Variants in EFR3A observed in about 807,000 individuals in gnomAD.
EFR3A encodes EFR3 homolog A.
A neutral mutation model predicts 104.4 loss-of-function variants in EFR3A; 76 were observed. The observed-to-expected ratio is 0.73, with a 90% CI of 0.60 to 0.88. EFR3A has a LOEUF of 0.88. EFR3A is among the 40% of genes least tolerant of loss of function. The pLI, the probability that EFR3A is intolerant of heterozygous loss-of-function variation, is 0.00. For synonymous variants in EFR3A, 330 were observed against 330.0 expected (o/e 1.00, Z 0.00); for missense variants, 985 against 1,012.5 (o/e 0.97, Z 0.37).
chr8:131,949,715 G>A (rs1224903039), intron 4 of EFR3A, among the ~76,000 whole-genome samples: 3 of 151,952 alleles, frequency 2.0e-5, no homozygotes, highest in African/African-American at 7.2e-5. Context: ...TTGGGAAGCT[G>A]AGGCGGGAGG....
chr8:132,008,855 A>AAAAAG (rs1822174482), intron 22 of EFR3A, among the ~76,000 whole-genome samples: 1 of 141,984 alleles, frequency 7.0e-6, no homozygotes, highest in Non-Finnish European at 1.5e-5. Flanking sequence ...TCAAAAAAAA[A>AAAAAG]AAAAAAAAAA....
chr8:131,960,301 A>G (rs1819241036), intron 8 of EFR3A, among the ~76,000 whole-genome samples: 1 of 152,200 alleles, frequency 6.6e-6, no homozygotes, highest in African/African-American at 2.4e-5. Context: ...CAAAATGCAG[A>G]TCCTAAATCT....
chr8:131,944,364 A>G (rs1467625246), intron 2 of EFR3A, among the ~76,000 whole-genome samples: 1 of 152,156 alleles, frequency 6.6e-6, no homozygotes, highest in Non-Finnish European at 1.5e-5. Flanking sequence ...TATGTTGACT[A>G]TCGTATAAGT....
chr8:131,940,432 T>G (rs953797898), intron 1 of EFR3A, 67 bp from the exon 2 acceptor site: 10 of 1,446,200 alleles, frequency 6.9e-6, no homozygotes, highest in Non-Finnish European at 8.4e-6. Context: ...ATTCAGAAAC[T>G]TGAATTTCCA....
chr8:131,956,909 A>T (rs1054548618), intron 7 of EFR3A, among the ~76,000 whole-genome samples: 3 of 152,118 alleles, frequency 2.0e-5, no homozygotes, highest in African/African-American at 7.2e-5. Flanking sequence ...TAATATCTAG[A>T]TGTGCTGACT....
chr8:131,934,086 TTAAAA>T (rs1817750422), intron 1 of EFR3A, among the ~76,000 whole-genome samples: 2 of 152,176 alleles, frequency 1.3e-5, no homozygotes, highest in African/African-American at 4.8e-5. Context: ...CTCTAATGGA[TTAAAA>T]TCCTTTTAAA....
rs970495508 is a variant in EFR3A at position 132,011,166 on chromosome 8, C to G, written c.*271C>G. The G allele has an allele frequency of 8.9e-7, 1 of 1,117,770 alleles. No homozygotes were observed. Among genetic ancestry groups the G allele is most frequent in the African/African-American group, 1.6e-5 (1 of 63,148 alleles). The allele number at this position is 1,117,770 out of a possible 1,614,324, so 69.2% of individuals were successfully genotyped here. On this transcript the variant is annotated 3_prime_UTR_variant, in exon 23 of 23. Coordinates refer to ENST00000254624, the MANE Select transcript of EFR3A (RefSeq NM_015137.6). The stretch of plus-strand genomic sequence containing the variant: ...CATGTTTTGGTTTCACTTTATTCCA[C>G]TGTTAAGTAGTATGTTTTAAACTTT...
At chr8:132,010,655 C>A in intron 22 of EFR3A, 135 bp from the exon 23 acceptor site, 1 of 1,034,254 alleles carries the variant, frequency 9.7e-7, no homozygotes, top group Non-Finnish European at 1.4e-6. Context: ...TTGTAGCTGG[C>A]CAGTAACTAC....
chr8:131,933,122 G>A (rs995604332), intron 1 of EFR3A, among the ~76,000 whole-genome samples: 3 of 151,996 alleles, frequency 2.0e-5, no homozygotes, highest in Non-Finnish European at 4.4e-5. Context: ...TACTGATATT[G>A]TAGAAGACAT....
At chr8:131,935,943 A>G (rs1257590838) in intron 1 of EFR3A, among the ~76,000 whole-genome samples, 2 of 151,928 alleles carry the variant, frequency 1.3e-5, no homozygotes, top group Non-Finnish European at 2.9e-5. Flanking sequence ...AACCAGAAGT[A>G]CTCAGTGGTC....
At chr8:131,955,942 T>C in intron 7 of EFR3A, 37 bp downstream of exon 7, 1 of 1,608,832 alleles carries the variant, frequency 6.2e-7, no homozygotes, top group Non-Finnish European at 8.5e-7. Flanking sequence ...TTTGTGATTT[T>C]GCTGTATTAA....
At position 131,931,713 on chromosome 8, in the gene EFR3A, GGTAA is replaced by G. The variant is rs373045924; in HGVS notation, c.11-8782_11-8779del. The stretch of plus-strand genomic sequence containing the variant: ...AAAATTGTTGCATTATTTGATACAT[GGTAA>G]GTATTATAGTTATTATATATGAAAA... On this transcript the variant is annotated intron_variant, in intron 1 of 22. Coordinates refer to ENST00000254624, the MANE Select transcript of EFR3A (RefSeq NM_015137.6). Among the ~76,000 whole-genome samples the G allele has an allele frequency of 3.3e-3, 501 of 151,970 alleles. 1 individual carries two copies. The highest frequency in any genetic ancestry group is 0.012 in the African/African-American group (477 of 41,474).
At chr8:131,997,334 G>T (rs2130793105) in intron 19 of EFR3A, among the ~76,000 whole-genome samples, 1 of 152,146 alleles carries the variant, frequency 6.6e-6, no homozygotes, top group African/African-American at 2.4e-5. Context: ...AAGGAAGTTA[G>T]CTGAATTATG....
intron 8 of EFR3A, among the ~76,000 whole-genome samples, chr8:131,964,298 G>C (rs928038308): frequency 2.5e-4 from 38 of 152,214 alleles, no homozygotes; most frequent in African/African-American, 8.2e-4. Flanking sequence ...GTTTGCAGAT[G>C]ACATGATTGT....
At chr8:131,919,589 C>A (rs1287522598) in intron 1 of EFR3A, among the ~76,000 whole-genome samples, 1 of 141,744 alleles carries the variant, frequency 7.1e-6, no homozygotes, top group Non-Finnish European at 1.5e-5. Flanking sequence ...GAGCAAGACT[C>A]CGTCTCAAAA....
intron 12 of EFR3A, among the ~76,000 whole-genome samples, chr8:131,978,200 C>T (rs190855468): frequency 3.0e-3 from 453 of 150,400 alleles, no homozygotes; most frequent in Non-Finnish European, 5.0e-3. Flanking sequence ...AAACAAATTC[C>T]CTAAGTAAAT....
intron 1 of EFR3A, among the ~76,000 whole-genome samples, chr8:131,908,338 G>A (rs963146671): frequency 6.6e-6 from 1 of 152,132 alleles, no homozygotes; most frequent in Non-Finnish European, 1.5e-5. Flanking sequence ...GGGATTACAG[G>A]TGTGAGCCAC....
At chr8:132,008,195 A>G (rs1285435529) in intron 22 of EFR3A, among the ~76,000 whole-genome samples, 1 of 152,114 alleles carries the variant, frequency 6.6e-6, no homozygotes. Flanking sequence ...AATATCTGAT[A>G]AAGAACCCCT....
At chr8:131,948,650 G>T (rs1314493519) in intron 4 of EFR3A, among the ~76,000 whole-genome samples, 1 of 152,052 alleles carries the variant, frequency 6.6e-6, no homozygotes, top group Non-Finnish European at 1.5e-5. Context: ...TACATTTCCG[G>T]AAATTTCTTT....
Sources: allele counts gnomAD v4.1 joint callset (sites outside exome capture counted in the v4.1 genomes callset), GRCh38; gene constraint gnomAD v4.1.1; transcripts MANE v1.5; gene names NCBI Gene and HGNC (gene_info 2026-07-23, HGNC 2026-07-21).